C4orf36: variants seen among roughly 807,000 people sequenced by gnomAD.
C4orf36 encodes the protein uncharacterized protein C4orf36.
A neutral mutation model predicts 12.2 loss-of-function variants in C4orf36; 11 were observed. That is an observed-to-expected ratio of 0.90 (90% CI 0.57 to 1.49). The LOEUF (loss-of-function observed/expected upper bound fraction) is 1.49, where lower values mean the gene tolerates loss of function less well. C4orf36 is among the 40% of genes most tolerant of loss of function. C4orf36 has a pLI of 0.00. For synonymous variants in C4orf36, 54 were observed against 51.3 expected, an observed-to-expected ratio of 1.05 and a Z score of -0.22; for missense variants, 137 against 133.9, an observed-to-expected ratio of 1.02 and a Z score of -0.11.
the C4orf36 span, among the ~76,000 whole-genome samples, chr4:86,928,928 T>C: frequency 6.6e-6 from 1 of 152,076 alleles, no homozygotes; most frequent in African/African-American, 2.4e-5. Context: ...TTCTCTCTTC[T>C]CCCTCTTTTG....
chr4:86,882,118 G>A (rs990834310), intron 4 of C4orf36, among the ~76,000 whole-genome samples: 1 of 152,092 alleles, frequency 6.6e-6, no homozygotes, highest in Non-Finnish European at 1.5e-5. Context: ...ACTGAATTTT[G>A]CAATGTAATT....
At chr4:86,900,958 C>G in the C4orf36 span, among the ~76,000 whole-genome samples, 2 of 150,966 alleles carry the variant, frequency 1.3e-5, no homozygotes, top group Non-Finnish European at 2.9e-5. Context: ...CAGATCATGT[C>G]TGTCTGCTCA....
At chr4:86,930,537 T>C in the C4orf36 span, among the ~76,000 whole-genome samples, 1 of 152,250 alleles carries the variant, frequency 6.6e-6, no homozygotes, top group Admixed American at 6.5e-5. Context: ...ATGTGTACAA[T>C]GTCTGGGAAA....
the C4orf36 span, among the ~76,000 whole-genome samples, chr4:86,920,515 A>G: frequency 6.6e-6 from 1 of 152,246 alleles, no homozygotes; most frequent in East Asian, 1.9e-4. Context: ...TTATAATAGA[A>G]TGCCACAAAC....
chr4:86,906,955 G>C, the C4orf36 span, among the ~76,000 whole-genome samples: 179 of 152,128 alleles, frequency 1.2e-3, no homozygotes, highest in Middle Eastern at 3.4e-3. Flanking sequence ...CAGGAGAATT[G>C]CTTGAACCCA....
chr4:86,885,874 T>G (rs1055883979), intron 4 of C4orf36, among the ~76,000 whole-genome samples: 1 of 152,228 alleles, frequency 6.6e-6, no homozygotes, highest in Non-Finnish European at 1.5e-5. Flanking sequence ...ATACGTCCCA[T>G]CAATACCTAA....
chr4:86,925,395 T>C, the C4orf36 span: 1 of 152,160 alleles, frequency 6.6e-6, no homozygotes, highest in South Asian at 2.1e-4. Context: ...CTAATTTTTG[T>C]ATTTTGAGAT....
At chr4:86,914,244 T>C in the C4orf36 span, 1 of 1,602,132 alleles carries the variant, frequency 6.2e-7, no homozygotes, top group Middle Eastern at 1.7e-4. Flanking sequence ...ACAGACACCA[T>C]CTTTCTGACT....
Position 86,876,327 on chromosome 4 carries a change from G to A in C4orf36, c.*119C>T, listed in dbSNP as rs1746925261. 6.6e-7 allele frequency: 1 copy of A among 1,508,968 alleles called. No homozygotes were observed. Among genetic ancestry groups the A allele is most frequent in the Admixed American group, 2.3e-5 (1 of 43,504 alleles). 93.5% of individuals were successfully genotyped at this position (1,508,968 alleles called of 1,614,324 possible). A position where few individuals can be genotyped will look rare whatever the true frequency, so the allele number is the denominator to read the frequency against. On this transcript the variant is annotated 3_prime_UTR_variant, in exon 5 of 5. Coordinates refer to ENST00000295898, the MANE Select transcript of C4orf36 (RefSeq NM_144645.4). ...GGGAGGCTTCCTGAGGTGGGGGCCG[G>A]GCCAGGATGGCTGCAGCGCAGCGAC...
the C4orf36 span, chr4:86,914,534 G>A: frequency 2.1e-6 from 1 of 469,148 alleles, no homozygotes; most frequent in Non-Finnish European, 3.8e-6. Flanking sequence ...CCGGGTAGCT[G>A]GGATTACAGG....
At chr4:86,877,761 A>T (rs1347041599) in intron 4 of C4orf36, among the ~76,000 whole-genome samples, 1 of 152,168 alleles carries the variant, frequency 6.6e-6, no homozygotes, top group Non-Finnish European at 1.5e-5. Context: ...ACAACTCCTT[A>T]CTCTGAGGTT....
chr4:86,891,853 C>G (rs1201815159), intron 1 of C4orf36, among the ~76,000 whole-genome samples: 1 of 152,202 alleles, frequency 6.6e-6, no homozygotes, highest in Non-Finnish European at 1.5e-5. Context: ...CTTGCCTGAG[C>G]CTGCCAAACC....
At chr4:86,915,244 C>T in the C4orf36 span, among the ~76,000 whole-genome samples, 1 of 152,294 alleles carries the variant, frequency 6.6e-6, no homozygotes, top group Non-Finnish European at 1.5e-5. Context: ...CTCCCCACAC[C>T]AGGTTGCTCC....
At chr4:86,926,548 T>G in the C4orf36 span, among the ~76,000 whole-genome samples, 3 of 152,220 alleles carry the variant, frequency 2.0e-5, no homozygotes, top group Non-Finnish European at 2.9e-5. Context: ...GGGAATAGGC[T>G]GCAGGTTATG....
the C4orf36 span, among the ~76,000 whole-genome samples, chr4:86,901,292 T>C: frequency 1.3e-5 from 2 of 152,062 alleles, no homozygotes; most frequent in Admixed American, 1.3e-4. Flanking sequence ...AATGGTTCTC[T>C]TTTCATTCAG....
chr4:86,901,515 T>C, the C4orf36 span, among the ~76,000 whole-genome samples: 1 of 150,688 alleles, frequency 6.6e-6, no homozygotes, highest in African/African-American at 2.4e-5. Context: ...TCACACTGTT[T>C]TCCTGCCTCA....
At chr4:86,913,814 C>CT in the C4orf36 span, 76 of 975,118 alleles carry the variant, frequency 7.8e-5, no homozygotes, top group Non-Finnish European at 1.1e-4. Context: ...TACTGACTGG[C>CT]TTTTCATCCA....
At chr4:86,904,369 C>G in the C4orf36 span, among the ~76,000 whole-genome samples, 6 of 152,194 alleles carry the variant, frequency 3.9e-5, no homozygotes, top group Admixed American at 1.3e-4. Context: ...AGCGCAGCGG[C>G]GGGCTGAAGG....
At chr4:86,894,042 G>A (rs1013835797), upstream of C4orf36, among the ~76,000 whole-genome samples, 1 of 151,462 alleles carries the variant, frequency 6.6e-6, no homozygotes, top group Non-Finnish European at 1.5e-5. Context: ...GACTACAGGC[G>A]CCCGCCACCA....
Sources: allele counts gnomAD v4.1 joint callset (sites outside exome capture counted in the v4.1 genomes callset), GRCh38; gene constraint gnomAD v4.1.1; transcripts MANE v1.5; gene names NCBI Gene and HGNC (gene_info 2026-07-23, HGNC 2026-07-21).